The following TTC29 variants were observed in gnomAD, a reference collection of about 807,000 sequenced individuals.
TTC29 encodes tetratricopeptide repeat domain 29, also known as tetratricopeptide repeat protein 29.
A neutral mutation model predicts 58.1 loss-of-function variants in TTC29; 49 were observed. The ratio of observed to expected loss-of-function variants is 0.84; its 90% CI spans 0.67 to 1.07. TTC29 has a LOEUF of 1.07. Ranked by LOEUF, TTC29 falls within the 50% of genes least tolerant of loss-of-function variation. TTC29 has a pLI of 0.00. For missense variants in TTC29, 582 were observed against 555.6 expected (o/e 1.05, Z -0.48); for synonymous variants, 209 against 196.8 (o/e 1.06, Z -0.52).
In TTC29 at chr4:146,720,243, A is replaced by C. The variant is rs541478516; in HGVS notation, c.1331-12692T>G. Reference sequence around the variant, plus strand: ...GTAAGACTCTAAGATGTAAAATACTAATGTACAAACTAAGCCCTTACTTAT... The same window carrying C: ...GTAAGACTCTAAGATGTAAAATACTCATGTACAAACTAAGCCCTTACTTAT... On this transcript the variant is annotated intron_variant, in intron 11 of 12. Transcript: ENST00000325106. Among the ~76,000 whole-genome samples, 25 of 152,298 alleles carry C rather than the reference A, an allele frequency of 1.6e-4. No individual in the cohort carries two copies. The South Asian group carries it at 5.2e-3, about 32-fold the overall frequency.
intron 11 of TTC29, among the ~76,000 whole-genome samples, chr4:146,778,083 G>A (rs79753709): frequency 0.067 from 10,147 of 152,168 alleles, 445 homozygotes; most frequent in Admixed American, 0.13. Flanking sequence ...TCGTGGACGT[G>A]TTAAGTTTGG....
intron 11 of TTC29, among the ~76,000 whole-genome samples, chr4:146,802,999 T>C (rs1317019542): frequency 6.6e-6 from 1 of 152,180 alleles, no homozygotes; most frequent in Non-Finnish European, 1.5e-5. Context: ...TGAGAAAGAT[T>C]ACTACCAACT....
intron 11 of TTC29, among the ~76,000 whole-genome samples, chr4:146,779,407 T>TAA (rs912690936): frequency 2.0e-5 from 3 of 152,294 alleles, no homozygotes; most frequent in Non-Finnish European, 2.9e-5. Context: ...AATATATTTT[T>TAA]AAAGTAATTT....
chr4:146,913,134 T>G (rs779207210), intron 4 of TTC29, among the ~76,000 whole-genome samples: 1 of 152,122 alleles, frequency 6.6e-6, no homozygotes, highest in Non-Finnish European at 1.5e-5. Flanking sequence ...GTAATCTTGC[T>G]CACACAAGCA....
chr4:146,825,149 G>A (rs931628815), intron 9 of TTC29, among the ~76,000 whole-genome samples: 17 of 152,126 alleles, frequency 1.1e-4, no homozygotes, highest in African/African-American at 4.1e-4. Flanking sequence ...GCTAGCTTTT[G>A]GATTAGTTTG....
rs753575411 is a variant in TTC29, at chr4:146,939,793, G to T, written c.92+11C>A. The T allele has an allele frequency of 1.9e-6, 3 of 1,600,124 alleles. No homozygotes were observed. In the Admixed American group the frequency reaches 5.3e-5, roughly 28 times the overall value. ...TCTGTAGGAAAATAAGTAAAAACCA[G>T]GGGCACGTACCTTGGAATTTTTCTG... On this transcript the variant is annotated intron_variant, in intron 3 of 12. Coordinates refer to ENST00000325106, the MANE Select transcript of TTC29 (RefSeq NM_031956.4).
rs368723011 is a variant in TTC29 at position 146,786,499 on chromosome 4, G to A, written c.1330+16958C>T. On this transcript the variant is annotated intron_variant, in intron 11 of 12. Transcript: ENST00000325106. ...CCCTTTGTGACCAGAATGATTTCCAGATATTCTCCCCTGCTGCAGGTTCTA... is the reference window on the plus strand; with the variant it reads ...CCCTTTGTGACCAGAATGATTTCCAAATATTCTCCCCTGCTGCAGGTTCTA... 2.0e-5 allele frequency among the ~76,000 whole-genome samples: 3 copies of A among 152,244 alleles called. No individual in the cohort carries two copies. In the East Asian group the frequency reaches 5.8e-4, roughly 29 times the overall value.
At chr4:146,829,984 G>T (rs750504890) in intron 9 of TTC29, among the ~76,000 whole-genome samples, 4 of 152,022 alleles carry the variant, frequency 2.6e-5, no homozygotes, top group Non-Finnish European at 5.9e-5. Flanking sequence ...GAAAATATAG[G>T]GATTTTCCCT....
At chr4:146,737,223 A>G (rs1179849864) in intron 11 of TTC29, among the ~76,000 whole-genome samples, 1 of 152,134 alleles carries the variant, frequency 6.6e-6, no homozygotes, top group African/African-American at 2.4e-5. Flanking sequence ...CTTTTAAAGA[A>G]ATGCCTATGT....
intron 11 of TTC29, among the ~76,000 whole-genome samples, chr4:146,791,245 T>C (rs772101138): frequency 1.3e-5 from 2 of 152,210 alleles, no homozygotes; most frequent in Non-Finnish European, 2.9e-5. Flanking sequence ...ACATTGAAGG[T>C]GTATGGTAAC....
intron 8 of TTC29, among the ~76,000 whole-genome samples, chr4:146,865,954 T>C (rs1231407677): frequency 6.6e-6 from 1 of 152,144 alleles, no homozygotes; most frequent in African/African-American, 2.4e-5. Flanking sequence ...TATGCATTAG[T>C]ATGGAAGAAA....
chr4:146,769,511 G>A (rs1747563791), intron 11 of TTC29, among the ~76,000 whole-genome samples: 1 of 151,920 alleles, frequency 6.6e-6, no homozygotes, highest in African/African-American at 2.4e-5. Context: ...TAGGGATTAA[G>A]CATATATTTT....
At chr4:146,738,669 A>T (rs1744898170) in intron 11 of TTC29, among the ~76,000 whole-genome samples, 1 of 152,250 alleles carries the variant, frequency 6.6e-6, no homozygotes, top group South Asian at 2.1e-4. Flanking sequence ...GGTAGGCTTC[A>T]GGAAACAGAA....
intron 5 of TTC29, among the ~76,000 whole-genome samples, chr4:146,904,259 C>T (rs1170570259): frequency 6.6e-6 from 1 of 152,018 alleles, no homozygotes; most frequent in Non-Finnish European, 1.5e-5. Context: ...TCAGAATGAC[C>T]CTATAAGCTC....
At position 146,733,299 on chromosome 4, in the gene TTC29, C is replaced by A. The variant is rs1298138806; in HGVS notation, c.1331-25748G>T. Among the ~76,000 whole-genome samples the A allele has an allele frequency of 2.0e-5, 3 of 152,170 alleles. No homozygotes were observed. The East Asian group carries it at 5.8e-4, about 29-fold the overall frequency. ...TTGGAACCTTCTTATTTAGTATAGA[C>A]ATTACATGCTAAAGAATTTAGCATA... On this transcript the variant is annotated intron_variant, in intron 11 of 12. Transcript: ENST00000325106.
chr4:146,870,888 G>A (rs935850096), intron 7 of TTC29, among the ~76,000 whole-genome samples: 4 of 151,942 alleles, frequency 2.6e-5, no homozygotes, highest in African/African-American at 7.2e-5. Flanking sequence ...AGGCTCAGAT[G>A]ATTTCACTGC....
At position 146,707,040 on chromosome 4, in the gene TTC29, G is replaced by C. The variant is rs1441953690; in HGVS notation, c.*118C>G. 1.5e-6 allele frequency: 1 copy of C among 668,004 alleles called. No homozygotes were observed. Among genetic ancestry groups the C allele is most frequent in the Non-Finnish European group, 2.3e-6 (1 of 442,040 alleles). 41.4% of individuals were successfully genotyped at this position (668,004 alleles called of 1,614,324 possible). On this transcript the variant is annotated 3_prime_UTR_variant, in exon 13 of 13. Coordinates refer to ENST00000325106, the MANE Select transcript of TTC29 (RefSeq NM_031956.4). ...TGAAATGCAAAATCCAATGAAAAGA[G>C]TCATAGTCCGTTTTATTATAACTCT... is the stretch of plus-strand genomic sequence containing the variant.
intron 7 of TTC29, among the ~76,000 whole-genome samples, chr4:146,872,412 A>C (rs1730991625): frequency 6.6e-6 from 1 of 152,040 alleles, no homozygotes; most frequent in South Asian, 2.1e-4. Flanking sequence ...AAAATTAAAA[A>C]CTTGTGCTTC....
chr4:146,873,800 C>T (rs1413434837), intron 7 of TTC29, among the ~76,000 whole-genome samples: 1 of 152,064 alleles, frequency 6.6e-6, no homozygotes, highest in Non-Finnish European at 1.5e-5. Flanking sequence ...TTTATTTTTC[C>T]TCTTTAGTAA....
Sources: gnomAD v4.1 joint callset for allele counts (sites outside exome capture counted in the v4.1 genomes callset) on GRCh38, gnomAD v4.1.1 for gene constraint, MANE v1.5 for transcripts, NCBI Gene and HGNC (gene_info 2026-07-23, HGNC 2026-07-21) for gene names.